The following PTPRD variants were observed in gnomAD, a reference collection of about 807,000 sequenced individuals.
PTPRD encodes the protein receptor-type tyrosine-protein phosphatase delta.
A neutral mutation model predicts 214.5 loss-of-function variants in PTPRD; 34 were observed. The observed-to-expected ratio is 0.16, with a 90% CI of 0.12 to 0.21. The LOEUF (loss-of-function observed/expected upper bound fraction) is 0.21. Among genes scored for constraint, PTPRD ranks in the 10% least tolerant of loss-of-function variants. PTPRD has a pLI of 1.00. For missense variants in PTPRD, 2,545 were observed against 2,398.7 expected, an observed-to-expected ratio of 1.06 and a Z score of -1.27; for synonymous variants, 1,128 against 845.7, an observed-to-expected ratio of 1.33 and a Z score of -5.79.
At chr9:10,118,784 T>C (rs1182320330) in intron 3 of PTPRD, among the ~76,000 whole-genome samples, 1 of 151,426 alleles carries the variant, frequency 6.6e-6, no homozygotes, top group Non-Finnish European at 1.5e-5. Context: ...AATTTGATGT[T>C]GAGTTCTAGG....
At chr9:9,509,656 C>T (rs1373778389) in intron 8 of PTPRD, among the ~76,000 whole-genome samples, 1 of 151,626 alleles carries the variant, frequency 6.6e-6, no homozygotes, top group Non-Finnish European at 1.5e-5. Context: ...TTCTCAGATA[C>T]AGCATGAGAA....
At chr9:9,053,072 G>A (rs1431791199) in intron 10 of PTPRD, among the ~76,000 whole-genome samples, 3 of 152,048 alleles carry the variant, frequency 2.0e-5, no homozygotes, top group Non-Finnish European at 4.4e-5. Flanking sequence ...AGAACAATAA[G>A]CTTTATATCT....
At chr9:10,517,891 A>T (rs957412440) in intron 2 of PTPRD, among the ~76,000 whole-genome samples, 7 of 152,204 alleles carry the variant, frequency 4.6e-5, no homozygotes, top group Non-Finnish European at 1.0e-4. Context: ...GAAAATGAAT[A>T]ATTTTACTTT....
In PTPRD at chr9:8,733,917, C is replaced by G. The variant is rs1385025414; in HGVS notation, c.-74G>C. The G allele has an allele frequency of 6.2e-6, 9 of 1,458,182 alleles. No individual in the cohort carries two copies. The highest frequency in any genetic ancestry group is 8.4e-6 in the Non-Finnish European group (9 of 1,070,882). 90.3% of individuals were successfully genotyped at this position (1,458,182 alleles called of 1,614,324 possible). On this transcript the variant is annotated 5_prime_UTR_variant, in exon 12 of 46. Coordinates refer to ENST00000381196, the MANE Select transcript of PTPRD (RefSeq NM_002839.4). ...CGGAGCCGCAGCGAGTCTGTCCGAT[C>G]TGAAATTTCAGCTGGAACACTTTCA...
intron 14 of PTPRD, among the ~76,000 whole-genome samples, chr9:8,572,220 C>A (rs569138684): frequency 6.6e-6 from 1 of 152,210 alleles, no homozygotes; most frequent in East Asian, 1.9e-4. Flanking sequence ...AAAGCATAAT[C>A]TTTCCATTTT....
intron 6 of PTPRD, among the ~76,000 whole-genome samples, chr9:9,741,238 G>C (rs2098397439): frequency 6.6e-6 from 1 of 152,094 alleles, no homozygotes; most frequent in Non-Finnish European, 1.5e-5. Context: ...TTACAAATTA[G>C]AGGTACACAT....
At chr9:9,258,690 A>T (rs1483802157) in intron 9 of PTPRD, among the ~76,000 whole-genome samples, 4 of 151,892 alleles carry the variant, frequency 2.6e-5, no homozygotes, top group Non-Finnish European at 5.9e-5. Context: ...TGGTGGAATA[A>T]CAACAAAACC....
intron 5 of PTPRD, among the ~76,000 whole-genome samples, chr9:9,798,339 G>A (rs896011491): frequency 1.3e-5 from 2 of 152,090 alleles, no homozygotes; most frequent in Middle Eastern, 3.2e-3. Context: ...AAGAAATAGA[G>A]AAACCTGTGT....
chr9:9,260,128 C>T (rs7860814), intron 9 of PTPRD, among the ~76,000 whole-genome samples: 15,564 of 151,776 alleles, frequency 0.1, 857 homozygotes, highest in Middle Eastern at 0.18. Context: ...ATGCTATACA[C>T]GTAAATTAGG....
At chr9:8,606,589 AG>A (rs1455966570) in intron 14 of PTPRD, among the ~76,000 whole-genome samples, 1 of 152,212 alleles carries the variant, frequency 6.6e-6, no homozygotes, top group African/African-American at 2.4e-5. Flanking sequence ...GATGCTATTT[AG>A]GGCACCAAGC....
intron 3 of PTPRD, among the ~76,000 whole-genome samples, chr9:10,058,685 C>G (rs935679017): frequency 6.6e-6 from 1 of 152,058 alleles, no homozygotes; most frequent in Non-Finnish European, 1.5e-5. Context: ...GAGACAATAG[C>G]TTCTCATATT....
chr9:9,944,162 G>T (rs2092159840), intron 4 of PTPRD, among the ~76,000 whole-genome samples: 1 of 152,082 alleles, frequency 6.6e-6, no homozygotes, highest in African/African-American at 2.4e-5. Flanking sequence ...TTGCATTGCA[G>T]CTCATCTTTC....
chr9:9,804,907 T>G (rs2099063389), intron 5 of PTPRD, among the ~76,000 whole-genome samples: 1 of 151,976 alleles, frequency 6.6e-6, no homozygotes, highest in African/African-American at 2.4e-5. Context: ...TATTATAATT[T>G]TATATGATTG....
At chr9:10,173,088 T>A (rs2154299194) in intron 3 of PTPRD, among the ~76,000 whole-genome samples, 1 of 152,340 alleles carries the variant, frequency 6.6e-6, no homozygotes, top group Non-Finnish European at 1.5e-5. Flanking sequence ...GGCCATTTTT[T>A]ATCTCTATTT....
intron 8 of PTPRD, among the ~76,000 whole-genome samples, chr9:9,458,851 G>T (rs1460795622): frequency 6.6e-6 from 1 of 152,026 alleles, no homozygotes; most frequent in Non-Finnish European, 1.5e-5. Flanking sequence ...GAAGTGGAAG[G>T]ATTGCTTGAG....
At chr9:8,348,592 G>T (rs958226372) in intron 39 of PTPRD, among the ~76,000 whole-genome samples, 2 of 152,014 alleles carry the variant, frequency 1.3e-5, no homozygotes, top group Non-Finnish European at 2.9e-5. Flanking sequence ...TCTTTAACTT[G>T]GAGGTTCAAA....
At chr9:9,525,376 C>T (rs1413698407) in intron 8 of PTPRD, among the ~76,000 whole-genome samples, 3 of 152,060 alleles carry the variant, frequency 2.0e-5, no homozygotes, top group Non-Finnish European at 4.4e-5. Flanking sequence ...TTGTATATTG[C>T]TAATCTTCAG....
At chr9:8,582,888 G>A (rs1273394200) in intron 14 of PTPRD, among the ~76,000 whole-genome samples, 1 of 152,118 alleles carries the variant, frequency 6.6e-6, no homozygotes, top group Non-Finnish European at 1.5e-5. Context: ...GGATGTTAAG[G>A]CAAATTTCTG....
At chr9:10,096,684 T>G (rs894462670) in intron 3 of PTPRD, among the ~76,000 whole-genome samples, 16 of 152,200 alleles carry the variant, frequency 1.1e-4, no homozygotes, top group Non-Finnish European at 1.5e-4. Flanking sequence ...TCCCATTCGG[T>G]AGGTTGCCTG....
Sources: allele counts gnomAD v4.1 joint callset (sites outside exome capture counted in the v4.1 genomes callset), GRCh38; gene constraint gnomAD v4.1.1; transcripts MANE v1.5; gene names NCBI Gene and HGNC (gene_info 2026-07-23, HGNC 2026-07-21).